Variants in TBC1D8 observed in about 807,000 individuals in gnomAD.
TBC1D8 encodes TBC1 domain family member 8, also known as BUB2-like protein 1.
A neutral mutation model predicts 118.8 loss-of-function variants in TBC1D8; 65 were observed. The ratio of observed to expected loss-of-function variants is 0.55; its 90% confidence interval spans 0.45 to 0.67. The LOEUF (loss-of-function observed/expected upper bound fraction) is 0.67, where lower values mean the gene tolerates loss of function less well. Among genes scored for constraint, TBC1D8 ranks in the 30% least tolerant of loss-of-function variants. The pLI is 0.00. For synonymous variants in TBC1D8, 566 were observed against 595.8 expected (o/e 0.95, Z 0.73); for missense variants, 1,376 against 1,471.2 (o/e 0.94, Z 1.06).
intron 1 of TBC1D8, among the ~76,000 whole-genome samples, chr2:101,101,273 G>A (rs181465823): frequency 1.6e-4 from 25 of 152,210 alleles, no homozygotes; most frequent in South Asian, 2.1e-4. Flanking sequence ...AGATATTTAC[G>A]CAGCCAACAA....
At chr2:101,125,692 T>C (rs745676777) in intron 1 of TBC1D8, among the ~76,000 whole-genome samples, 2 of 152,210 alleles carry the variant, frequency 1.3e-5, no homozygotes, top group Admixed American at 6.5e-5. Flanking sequence ...AGATGAGGTA[T>C]AGACGCACCT....
chr2:101,074,076 T>A (rs2105439639), intron 2 of TBC1D8, among the ~76,000 whole-genome samples: 1 of 152,386 alleles, frequency 6.6e-6, no homozygotes, highest in South Asian at 2.1e-4. Flanking sequence ...GATATGCCTT[T>A]CTCATTAAGC....
chr2:101,083,010 C>T (rs1023868576), intron 2 of TBC1D8, among the ~76,000 whole-genome samples: 6 of 152,094 alleles, frequency 3.9e-5, no homozygotes, highest in Non-Finnish European at 5.9e-5. Context: ...CAAGTTCTTC[C>T]GTTGCACGTT....
intron 13 of TBC1D8, 50 bp downstream of exon 13, chr2:101,028,253 C>A: frequency 6.3e-7 from 1 of 1,588,740 alleles, no homozygotes; most frequent in South Asian, 1.1e-5. Context: ...AGTCACAATT[C>A]CCGGGGGGTT....
intron 1 of TBC1D8, among the ~76,000 whole-genome samples, chr2:101,119,088 C>T (rs1677987578): frequency 6.6e-6 from 1 of 152,084 alleles, no homozygotes; most frequent in East Asian, 1.9e-4. Flanking sequence ...GCTACAAAGT[C>T]GTCATACAAA....
At chr2:101,017,927 A>G (rs887592526) in intron 17 of TBC1D8, 2 of 1,550,628 alleles carry the variant, frequency 1.3e-6, no homozygotes, top group African/African-American at 1.4e-5. Flanking sequence ...AGAAGAGGAA[A>G]GCAAATGGCA....
chr2:101,107,217 G>A, intron 1 of TBC1D8, among the ~76,000 whole-genome samples: 1 of 152,182 alleles, frequency 6.6e-6, no homozygotes, highest in Non-Finnish European at 1.5e-5. Context: ...AGACAGGTGT[G>A]AACTCAGGTT....
At position 101,083,882 on chromosome 2, in the gene TBC1D8, A is replaced by C. The variant is rs190095452; in HGVS notation, c.283+6327T>G. Among the ~76,000 whole-genome samples the C allele has an allele frequency of 9.2e-5, 14 of 152,330 alleles. 1 individual carries two copies. Among genetic ancestry groups the C allele is most frequent in the Admixed American group, 7.8e-4 (12 of 15,306 alleles). ...CTACGGTGAGTCAATAACACAGTGC[A>C]AGATGCCCAAGGCACTCCCAGAAGA... On this transcript the variant is annotated intron_variant, in intron 2 of 19. Transcript: ENST00000409318.
intron 1 of TBC1D8, among the ~76,000 whole-genome samples, chr2:101,116,819 T>C (rs1677840603): frequency 6.6e-6 from 1 of 151,870 alleles, no homozygotes; most frequent in Admixed American, 6.6e-5. Context: ...TTTTTGTATT[T>C]TTAGTAGAGA....
At chr2:101,127,555 T>G (rs1198288802) in intron 1 of TBC1D8, among the ~76,000 whole-genome samples, 1 of 152,114 alleles carries the variant, frequency 6.6e-6, no homozygotes, top group East Asian at 1.9e-4. Flanking sequence ...ACACTTTTTT[T>G]GAGACAGGGT....
chr2:101,117,954 G>A (rs953280740), intron 1 of TBC1D8, among the ~76,000 whole-genome samples: 2 of 150,466 alleles, frequency 1.3e-5, no homozygotes, highest in East Asian at 2.0e-4. Context: ...GTGGGAGGAC[G>A]GCCTCTTGCA....
chr2:101,116,007 G>A (rs1169055956), intron 1 of TBC1D8, among the ~76,000 whole-genome samples: 2 of 152,158 alleles, frequency 1.3e-5, no homozygotes, highest in Non-Finnish European at 2.9e-5. Flanking sequence ...TATTACCAAA[G>A]CTCTAAAAAC....
intron 15 of TBC1D8, 61 bp from the exon 16 acceptor site, chr2:101,022,582 AC>A: frequency 6.5e-7 from 1 of 1,536,704 alleles, no homozygotes; most frequent in Admixed American, 2.4e-5. Context: ...CGTTATTAAC[AC>A]AAACAAATAC....
In TBC1D8 at chr2:101,021,791, T is replaced by A. The variant is rs377395573; in HGVS notation, c.2762-45A>T. On this transcript the variant is annotated intron_variant, in intron 16 of 19. Coordinates refer to ENST00000409318, the MANE Select transcript of TBC1D8 (RefSeq NM_001330348.2). Reference sequence around the variant, plus strand: ...AGTGAGTTGATGCCAATGCTGAAAGTCCATTTGTCAGGACACAAACTCACT... The same window carrying A: ...AGTGAGTTGATGCCAATGCTGAAAGACCATTTGTCAGGACACAAACTCACT... The A allele has an allele frequency of 1.0e-4, 132 of 1,284,226 alleles. 1 individual carries two copies. The African/African-American group carries it at 1.8e-3, about 17-fold the overall frequency. The allele number at this position is 1,284,226 out of a possible 1,614,324, so 79.6% of individuals were successfully genotyped here.
At chr2:101,122,848 T>C (rs910985055) in intron 1 of TBC1D8, among the ~76,000 whole-genome samples, 1 of 152,162 alleles carries the variant, frequency 6.6e-6, no homozygotes, top group Non-Finnish European at 1.5e-5. Context: ...CCCTTCACAT[T>C]GGTGTCAAAC....
intron 5 of TBC1D8, among the ~76,000 whole-genome samples, chr2:101,047,281 G>A (rs1397924965): frequency 1.3e-5 from 2 of 152,206 alleles, no homozygotes; most frequent in East Asian, 1.9e-4. Flanking sequence ...GGGGAGCTAC[G>A]AGCGGCTCCG....
At chr2:101,061,541 G>GTTCTC (rs1309580497) in intron 2 of TBC1D8, among the ~76,000 whole-genome samples, 2 of 152,246 alleles carry the variant, frequency 1.3e-5, no homozygotes, top group Admixed American at 6.5e-5. Context: ...TAAAGCCAGT[G>GTTCTC]TTCTCATCAG....
At chr2:101,101,340 C>T (rs1030678016) in intron 1 of TBC1D8, among the ~76,000 whole-genome samples, 1 of 152,114 alleles carries the variant, frequency 6.6e-6, no homozygotes, top group African/African-American at 2.4e-5. Context: ...ATCAAAATCA[C>T]AATGAGATAC....
At chr2:101,131,965 C>A (rs1678614342) in intron 1 of TBC1D8, among the ~76,000 whole-genome samples, 5 of 152,158 alleles carry the variant, frequency 3.3e-5, no homozygotes, top group African/African-American at 1.2e-4. Context: ...TATTTTACAT[C>A]TTGTTAACAC....
Sources: allele counts gnomAD v4.1 joint callset (sites outside exome capture counted in the v4.1 genomes callset), GRCh38; gene constraint gnomAD v4.1.1; transcripts MANE v1.5; gene names NCBI Gene and HGNC (gene_info 2026-07-23, HGNC 2026-07-21).